PRKG1: variants seen among roughly 807,000 people sequenced by gnomAD.
PRKG1 encodes protein kinase cGMP-dependent 1.
Under a neutral mutation model 88.1 loss-of-function variants are expected in PRKG1, and 35 were observed. The observed-to-expected ratio is 0.40, with a 90% confidence interval of 0.30 to 0.53. The LOEUF (loss-of-function observed/expected upper bound fraction) is 0.53, where lower values mean the gene tolerates loss of function less well. Among genes scored for constraint, PRKG1 ranks in the 20% least tolerant of loss-of-function variants. PRKG1 has a pLI of 0.59. For synonymous variants in PRKG1, 303 were observed against 292.5 expected, an observed-to-expected ratio of 1.04 and a Z score of -0.37; for missense variants, 540 against 839.8, an observed-to-expected ratio of 0.64 and a Z score of 4.41.
At chr10:51,130,949 T>C (rs1414874514) in intron 1 of PRKG1, among the ~76,000 whole-genome samples, 1 of 152,038 alleles carries the variant, frequency 6.6e-6, no homozygotes, top group Non-Finnish European at 1.5e-5. Flanking sequence ...AAAAGCTAAA[T>C]AGTGATTAAA....
Position 51,485,708 on chromosome 10 carries a change from C to T in PRKG1, c.592+17872C>T, listed in dbSNP as rs117855369. ...TTGTTTGCTTTTGTTATTTTTTGTA[C>T]GTCATATAAGCTGGCAAAAAGCTTC... On this transcript the variant is annotated intron_variant, in intron 3 of 17. Coordinates refer to ENST00000373980, the MANE Select transcript of PRKG1 (RefSeq NM_006258.4). 1.9e-3 allele frequency among the ~76,000 whole-genome samples: 283 copies of T among 152,160 alleles called. 1 individual carries two copies. The highest frequency in any genetic ancestry group is 2.8e-3 in the Non-Finnish European group (193 of 67,988).
chr10:51,477,990 A>G (rs970618284), intron 3 of PRKG1, among the ~76,000 whole-genome samples: 1 of 152,056 alleles, frequency 6.6e-6, no homozygotes, highest in African/African-American at 2.4e-5. Context: ...CAGGCTGGGC[A>G]TTGAATTCAA....
intron 2 of PRKG1, among the ~76,000 whole-genome samples, chr10:51,264,102 A>G (rs1168267408): frequency 6.6e-6 from 1 of 152,218 alleles, no homozygotes; most frequent in East Asian, 1.9e-4. Context: ...TTGAGGAAAG[A>G]CGAATATTAT....
chr10:51,836,590 A>G (rs1353660436), intron 4 of PRKG1, among the ~76,000 whole-genome samples: 1 of 152,094 alleles, frequency 6.6e-6, no homozygotes, highest in Non-Finnish European at 1.5e-5. Flanking sequence ...GTATTTTTGC[A>G]TAAGGAGTGA....
chr10:51,154,210 C>T (rs10508937), intron 2 of PRKG1, among the ~76,000 whole-genome samples: 8,792 of 151,978 alleles, frequency 0.058, 299 homozygotes, highest in East Asian at 0.11. Context: ...TCTGTTTCAC[C>T]TAACCAATTT....
chr10:51,983,278 C>T (rs1844062307), intron 5 of PRKG1, among the ~76,000 whole-genome samples: 2 of 152,146 alleles, frequency 1.3e-5, no homozygotes, highest in African/African-American at 4.8e-5. Context: ...GGTTACCCTC[C>T]AGGCCCCTAA....
chr10:51,650,173 G>GC (rs1460393280), intron 3 of PRKG1, among the ~76,000 whole-genome samples: 2 of 152,190 alleles, frequency 1.3e-5, no homozygotes, highest in Non-Finnish European at 2.9e-5. Flanking sequence ...AGGTGCTCAG[G>GC]AGAGAACCTA....
intron 5 of PRKG1, among the ~76,000 whole-genome samples, chr10:51,947,250 C>T (rs572943633): frequency 1.8e-4 from 28 of 152,222 alleles, no homozygotes; most frequent in Admixed American, 3.9e-4. Flanking sequence ...ACTCCGTGGG[C>T]GTAGGACCCT....
In PRKG1 at chr10:51,316,526, A is replaced by G. The variant is rs951302219; in HGVS notation, c.479-151197A>G. On this transcript the variant is annotated intron_variant, in intron 2 of 17. Transcript: ENST00000373980. ...GTAAAACACCATCTCTACTAAAAATACAAAAATTAGCCAGGCCTGATGGCG... is the reference window on the plus strand; with the variant it reads ...GTAAAACACCATCTCTACTAAAAATGCAAAAATTAGCCAGGCCTGATGGCG... Among the ~76,000 whole-genome samples, 3 of 152,172 alleles carry G rather than the reference A, an allele frequency of 2.0e-5. No individual in the cohort carries two copies. In the East Asian group the frequency reaches 5.8e-4, roughly 30 times the overall value.
At chr10:51,384,972 A>G (rs1418475285) in intron 2 of PRKG1, among the ~76,000 whole-genome samples, 2 of 152,230 alleles carry the variant, frequency 1.3e-5, no homozygotes, top group Non-Finnish European at 1.5e-5. Flanking sequence ...TGAAACAAGA[A>G]CATAATCTTC....
chr10:51,600,124 T>G (rs140478201), intron 3 of PRKG1, among the ~76,000 whole-genome samples: 47 of 152,320 alleles, frequency 3.1e-4, no homozygotes, highest in East Asian at 2.1e-3. Context: ...TGTAACTGTT[T>G]AATGACAGCT....
chr10:51,874,556 C>T (rs995328050), intron 4 of PRKG1, among the ~76,000 whole-genome samples: 4 of 152,008 alleles, frequency 2.6e-5, no homozygotes, highest in Admixed American at 6.6e-5. Context: ...TTTTAAAGCA[C>T]GAATATGCCA....
intron 2 of PRKG1, among the ~76,000 whole-genome samples, chr10:51,181,520 C>T (rs1218257697): frequency 2.0e-5 from 3 of 152,032 alleles, no homozygotes; most frequent in Non-Finnish European, 4.4e-5. Context: ...GGATTACAGG[C>T]GTGAGCCACC....
intron 4 of PRKG1, among the ~76,000 whole-genome samples, chr10:51,812,587 C>G (rs1350955607): frequency 1.3e-5 from 2 of 152,054 alleles, no homozygotes; most frequent in Non-Finnish European, 1.5e-5. Flanking sequence ...GTGACCATGA[C>G]TTTTTTTGGT....
chr10:52,149,889 C>G (rs11000969), intron 8 of PRKG1, among the ~76,000 whole-genome samples: 104,929 of 151,852 alleles, frequency 0.69, 36,857 homozygotes, highest in South Asian at 0.77. Context: ...GCTCATGCCA[C>G]TTATCCCAGC....
At chr10:51,352,088 G>A (rs771257191) in intron 2 of PRKG1, among the ~76,000 whole-genome samples, 1 of 151,748 alleles carries the variant, frequency 6.6e-6, no homozygotes, top group Non-Finnish European at 1.5e-5. Flanking sequence ...TCTCTGTTCT[G>A]TTCCATTGGT....
chr10:51,101,055 T>C (rs16913900), intron 1 of PRKG1, among the ~76,000 whole-genome samples: 45,074 of 151,984 alleles, frequency 0.3, 6,958 homozygotes, highest in African/African-American at 0.37. Flanking sequence ...TAAGGAAAGT[T>C]GGAAATTTTT....
chr10:51,436,717 G>A (rs10997540), intron 2 of PRKG1, among the ~76,000 whole-genome samples: 46,476 of 151,802 alleles, frequency 0.31, 7,825 homozygotes, highest in African/African-American at 0.43. Flanking sequence ...AATTTGGCTT[G>A]CTGGAATCTC....
At chr10:51,873,950 T>C (rs1430441472) in intron 4 of PRKG1, among the ~76,000 whole-genome samples, 2 of 152,220 alleles carry the variant, frequency 1.3e-5, no homozygotes, top group Non-Finnish European at 2.9e-5. Flanking sequence ...ATCTTGTTTA[T>C]ACTTTATTGT....
Sources: gnomAD v4.1 joint callset for allele counts (sites outside exome capture counted in the v4.1 genomes callset) on GRCh38, gnomAD v4.1.1 for gene constraint, MANE v1.5 for transcripts, NCBI Gene and HGNC (gene_info 2026-07-23, HGNC 2026-07-21) for gene names.